ARHGAP5: variants seen among roughly 807,000 people sequenced by gnomAD.
ARHGAP5 encodes the protein Rho GTPase activating protein 5.
In ARHGAP5, 23 loss-of-function variants were observed where a neutral mutation model predicts 116.6. That is an observed-to-expected ratio of 0.20 (90% CI 0.14 to 0.28). The LOEUF (loss-of-function observed/expected upper bound fraction) is 0.28, where lower values mean the gene tolerates loss of function less well. ARHGAP5 is among the 10% of genes least tolerant of loss of function. The pLI, the probability that ARHGAP5 is intolerant of heterozygous loss-of-function variation, is 1.00. For synonymous variants in ARHGAP5, 574 were observed against 602.0 expected, an observed-to-expected ratio of 0.95 and a Z score of 0.68; for missense variants, 1,405 against 1,774.8, an observed-to-expected ratio of 0.79 and a Z score of 3.74.
Position 32,126,971 on chromosome 14 carries a change from TA to T in ARHGAP5, c.3865+9694del, listed in dbSNP as rs1030843628. 5.6e-4 allele frequency among the ~76,000 whole-genome samples: 79 copies of T among 141,956 alleles called. 1 individual carries two copies. The highest frequency in any genetic ancestry group is 2.2e-3 in the South Asian group (10 of 4,494). The allele number at this position is 141,956 out of a possible 152,430, so 93.1% of individuals were successfully genotyped here. A position where few individuals can be genotyped will look rare whatever the true frequency, so the allele number is the denominator to read the frequency against. On this transcript the variant is annotated intron_variant, in intron 3 of 6. Coordinates refer to ENST00000345122, the MANE Select transcript of ARHGAP5 (RefSeq NM_001030055.2). ...TTATGTCATGTGTATTTTACCACAA[TA>T]AAAAAAAAATCAGGAAATATGATAT...
intron 2 of ARHGAP5, among the ~76,000 whole-genome samples, chr14:32,115,276 T>C (rs909880813): frequency 6.6e-6 from 1 of 152,252 alleles, no homozygotes; most frequent in African/African-American, 2.4e-5. Context: ...TAATGCTACA[T>C]TGAAGTTAAA....
intron 3 of ARHGAP5, among the ~76,000 whole-genome samples, chr14:32,131,142 G>A (rs1011846061): frequency 6.6e-6 from 1 of 151,612 alleles, no homozygotes; most frequent in Admixed American, 6.6e-5. Context: ...CTAATATAAT[G>A]TCTGTAATCA....
intron 2 of ARHGAP5, among the ~76,000 whole-genome samples, chr14:32,095,472 G>T (rs1333420254): frequency 6.7e-6 from 1 of 150,278 alleles, no homozygotes; most frequent in Admixed American, 6.6e-5. Flanking sequence ...GAGGGTAGTG[G>T]CGCAATCTTG....
chr14:32,132,805 G>A (rs1880575182), intron 3 of ARHGAP5, among the ~76,000 whole-genome samples: 1 of 152,074 alleles, frequency 6.6e-6, no homozygotes, highest in Non-Finnish European at 1.5e-5. Flanking sequence ...TGTACATATG[G>A]CTAGCCAGTT....
intron 2 of ARHGAP5, among the ~76,000 whole-genome samples, chr14:32,114,083 C>A (rs1462499250): frequency 6.6e-6 from 1 of 152,158 alleles, no homozygotes; most frequent in East Asian, 1.9e-4. Context: ...AAAAAATCAG[C>A]TGGGCGTGAT....
intron 2 of ARHGAP5, among the ~76,000 whole-genome samples, chr14:32,099,438 G>GA (rs1425262208): frequency 6.6e-6 from 1 of 152,156 alleles, no homozygotes. Flanking sequence ...TGTCAGTGTG[G>GA]AATGGCCAAC....
intron 5 of ARHGAP5, among the ~76,000 whole-genome samples, chr14:32,152,127 A>G (rs112512330): frequency 0.066 from 10,026 of 152,170 alleles, 1,067 homozygotes; most frequent in African/African-American, 0.22. Flanking sequence ...CCACGCATGC[A>G]GGGGATCTAG....
chr14:32,094,434 A>C lies in ARHGAP5; in HGVS notation c.3717+48A>C. 1.4e-6 allele frequency: 2 copies of C among 1,408,702 alleles called. 1 individual carries two copies. The highest frequency in any genetic ancestry group is 2.9e-5 in the South Asian group (2 of 68,762). 87.3% of individuals were successfully genotyped at this position (1,408,702 alleles called of 1,614,324 possible). A position where few individuals can be genotyped will look rare whatever the true frequency, so the allele number is the denominator to read the frequency against. Reference sequence around the variant, plus strand: ...GATGTTTATAAAAATGCTTGTTGTTACTTTTTTAAAATACTGACATCAGTG... The same window carrying C: ...GATGTTTATAAAAATGCTTGTTGTTCCTTTTTTAAAATACTGACATCAGTG... On this transcript the variant is annotated intron_variant, in intron 2 of 6. Transcript: ENST00000345122.
At position 32,139,920 on chromosome 14, in the gene ARHGAP5, T is replaced by C. The variant is rs142022442; in HGVS notation, c.3866-6343T>C. Among the ~76,000 whole-genome samples, 159 of 150,594 alleles carry C rather than the reference T, an allele frequency of 1.1e-3. 2 individuals are homozygous for C. The highest frequency in any genetic ancestry group is 3.6e-3 in the African/African-American group (148 of 41,332). On this transcript the variant is annotated intron_variant, in intron 3 of 6. Transcript: ENST00000345122. ...TCTTTTTTTTTTTCTAAAAGAAAAATAAAAAGAAAACATTTATTTAAAACC... is the reference window on the plus strand; with the variant it reads ...TCTTTTTTTTTTTCTAAAAGAAAAACAAAAAGAAAACATTTATTTAAAACC...
intron 4 of ARHGAP5, among the ~76,000 whole-genome samples, chr14:32,148,972 G>A (rs988324144): frequency 2.0e-5 from 3 of 151,902 alleles, no homozygotes; most frequent in African/African-American, 7.3e-5. Flanking sequence ...AGCTTAAAAG[G>A]TCCAAATTAG....
intron 2 of ARHGAP5, among the ~76,000 whole-genome samples, chr14:32,097,572 A>G (rs1878588568): frequency 6.6e-6 from 1 of 152,166 alleles, no homozygotes; most frequent in African/African-American, 2.4e-5. Context: ...AAAGAAGGCA[A>G]ATAAAACATC....
chr14:32,128,170 C>T (rs139105077), intron 3 of ARHGAP5, among the ~76,000 whole-genome samples: 73 of 151,600 alleles, frequency 4.8e-4, no homozygotes, highest in African/African-American at 1.6e-3. Flanking sequence ...GGGATGACGG[C>T]CGGGAAGAGG....
Position 32,101,365 on chromosome 14 carries a change from C to G in ARHGAP5, c.3717+6979C>G, listed in dbSNP as rs115021766. Among the ~76,000 whole-genome samples the G allele has an allele frequency of 6.8e-3, 1,030 of 152,256 alleles. 12 individuals are homozygous for G. Among genetic ancestry groups the G allele is most frequent in the African/African-American group, 0.024 (979 of 41,538 alleles). On this transcript the variant is annotated intron_variant, in intron 2 of 6. Transcript: ENST00000345122. The stretch of plus-strand genomic sequence containing the variant: ...TTAATCTGATATTAGCAAATCATGA[C>G]TTCATACCATGCCATTATATTAATA...
chr14:32,089,904 C>A (rs1186013844), intron 1 of ARHGAP5, among the ~76,000 whole-genome samples: 1 of 151,800 alleles, frequency 6.6e-6, no homozygotes, highest in East Asian at 1.9e-4. Context: ...TCACTTATTT[C>A]TGTTTTCTCT....
intron 2 of ARHGAP5, among the ~76,000 whole-genome samples, chr14:32,107,830 A>T (rs747997510): frequency 1.4e-4 from 22 of 152,230 alleles, no homozygotes; most frequent in Admixed American, 5.9e-4. Flanking sequence ...ACTCAGAGGA[A>T]GAGTTATCAG....
chr14:32,117,046 T>C, intron 2 of ARHGAP5, 94 bp from the exon 3 acceptor site: 1 of 982,758 alleles, frequency 1.0e-6, no homozygotes. Flanking sequence ...GCTATAAAAT[T>C]TTTCTTTTGA....
At chr14:32,120,831 G>GA (rs1418236572) in intron 3 of ARHGAP5, among the ~76,000 whole-genome samples, 1 of 151,456 alleles carries the variant, frequency 6.6e-6, no homozygotes, top group African/African-American at 2.4e-5. Context: ...TGAGTGTGTT[G>GA]GTCAAGTCCT....
intron 2 of ARHGAP5, among the ~76,000 whole-genome samples, chr14:32,100,766 A>G (rs1344393380): frequency 6.6e-6 from 1 of 152,180 alleles, no homozygotes; most frequent in East Asian, 1.9e-4. Context: ...AAAAAGAAGT[A>G]CTTTTTTACT....
At chr14:32,143,092 A>G (rs1881199265) in intron 3 of ARHGAP5, among the ~76,000 whole-genome samples, 1 of 152,218 alleles carries the variant, frequency 6.6e-6, no homozygotes, top group African/African-American at 2.4e-5. Context: ...AATAAAACTT[A>G]GGCCATTCTA....
Sources: gnomAD v4.1 joint callset for allele counts (sites outside exome capture counted in the v4.1 genomes callset) on GRCh38, gnomAD v4.1.1 for gene constraint, MANE v1.5 for transcripts, NCBI Gene and HGNC (gene_info 2026-07-23, HGNC 2026-07-21) for gene names.